The following KLHL1 variants were observed in gnomAD, a reference collection of about 807,000 sequenced individuals.
KLHL1 encodes kelch-like protein 1.
Under a neutral mutation model 77.7 loss-of-function variants are expected in KLHL1, and 47 were observed. That is an observed-to-expected ratio of 0.60 (90% CI 0.48 to 0.77). The LOEUF is 0.77. Ranked by LOEUF, KLHL1 falls within the 30% of genes least tolerant of loss-of-function variation. KLHL1 has a pLI of 0.00. For missense variants in KLHL1, 925 were observed against 910.8 expected (o/e 1.02, Z -0.20); for synonymous variants, 360 against 325.2 (o/e 1.11, Z -1.15).
At chr13:69,727,598 A>G (rs1187718775) in intron 8 of KLHL1, among the ~76,000 whole-genome samples, 1 of 152,144 alleles carries the variant, frequency 6.6e-6, no homozygotes, top group Non-Finnish European at 1.5e-5. Context: ...TAAGCTATTA[A>G]AACCACTGTA....
At chr13:69,710,694 T>G (rs1462625538) in intron 9 of KLHL1, among the ~76,000 whole-genome samples, 1 of 152,160 alleles carries the variant, frequency 6.6e-6, no homozygotes, top group Non-Finnish European at 1.5e-5. Flanking sequence ...TACAGATGTA[T>G]AAGCATTGTC....
At chr13:69,837,050 A>G (rs905392056) in intron 6 of KLHL1, among the ~76,000 whole-genome samples, 2 of 151,974 alleles carry the variant, frequency 1.3e-5, no homozygotes, top group Non-Finnish European at 2.9e-5. Context: ...TTACTCATAT[A>G]AAAAGGTTTT....
chr13:69,777,112 G>A (rs889580733), intron 7 of KLHL1, among the ~76,000 whole-genome samples: 1 of 151,972 alleles, frequency 6.6e-6, no homozygotes, highest in African/African-American at 2.4e-5. Flanking sequence ...AGATCTGACG[G>A]TATTATAAAG....
chr13:69,882,950 T>C (rs1401443712), intron 4 of KLHL1, among the ~76,000 whole-genome samples: 1 of 152,168 alleles, frequency 6.6e-6, no homozygotes, highest in Non-Finnish European at 1.5e-5. Flanking sequence ...AGAGAAAGAA[T>C]AGGACAGATA....
intron 7 of KLHL1, among the ~76,000 whole-genome samples, chr13:69,761,751 A>C (rs1410273531): frequency 6.6e-6 from 1 of 152,184 alleles, no homozygotes; most frequent in Non-Finnish European, 1.5e-5. Context: ...GTCCAATGTT[A>C]AGTGTTGACT....
intron 1 of KLHL1, among the ~76,000 whole-genome samples, chr13:70,015,228 A>G (rs561913054): frequency 6.6e-6 from 1 of 152,322 alleles, no homozygotes; most frequent in South Asian, 2.1e-4. Flanking sequence ...TATTGTGTAT[A>G]GCCTACTGCA....
At chr13:69,819,807 C>T (rs149546540) in intron 6 of KLHL1, among the ~76,000 whole-genome samples, 5 of 152,134 alleles carry the variant, frequency 3.3e-5, no homozygotes, top group Middle Eastern at 3.4e-3. Flanking sequence ...AACAGAGCAA[C>T]GTGATAATAA....
chr13:69,935,185 G>A (rs1883140028), intron 4 of KLHL1, among the ~76,000 whole-genome samples: 1 of 78,296 alleles, frequency 1.3e-5, no homozygotes, highest in African/African-American at 4.6e-5. Flanking sequence ...GCCACCTACT[G>A]GTGAACGTGG....
intron 1 of KLHL1, among the ~76,000 whole-genome samples, chr13:69,976,772 G>T (rs1034986314): frequency 2.0e-5 from 3 of 152,148 alleles, no homozygotes; most frequent in Admixed American, 1.3e-4. Flanking sequence ...CCACAAAAAA[G>T]TTACATACAA....
chr13:69,805,965 C>T (rs1877599859), intron 6 of KLHL1, among the ~76,000 whole-genome samples: 1 of 151,872 alleles, frequency 6.6e-6, no homozygotes, highest in African/African-American at 2.4e-5. Context: ...AAAACCCTAT[C>T]AGATATTAAA....
intron 1 of KLHL1, among the ~76,000 whole-genome samples, chr13:70,070,958 T>C (rs1887124267): frequency 6.6e-6 from 1 of 151,718 alleles, no homozygotes; most frequent in African/African-American, 2.4e-5. Context: ...TATATAAAAA[T>C]ATCAGTTAAA....
chr13:70,008,467 G>T (rs1885456396), intron 1 of KLHL1, among the ~76,000 whole-genome samples: 1 of 151,972 alleles, frequency 6.6e-6, no homozygotes, highest in African/African-American at 2.4e-5. Flanking sequence ...GCCCCCATAT[G>T]TGGTACACTC....
chr13:69,779,198 G>T (rs1252170446), intron 7 of KLHL1, among the ~76,000 whole-genome samples: 1 of 152,072 alleles, frequency 6.6e-6, no homozygotes, highest in Non-Finnish European at 1.5e-5. Context: ...ATAATGCATT[G>T]AAAAGACACC....
chr13:69,795,098 C>A (rs1877044828), intron 7 of KLHL1, among the ~76,000 whole-genome samples: 1 of 152,152 alleles, frequency 6.6e-6, no homozygotes, highest in South Asian at 2.1e-4. Context: ...ATAAAGGAAG[C>A]ACTCTGCCTC....
At chr13:69,785,287 G>A (rs1181086281) in intron 7 of KLHL1, among the ~76,000 whole-genome samples, 1 of 152,112 alleles carries the variant, frequency 6.6e-6, no homozygotes, top group Non-Finnish European at 1.5e-5. Flanking sequence ...TAAAAGAATA[G>A]AAATTATAAC....
intron 7 of KLHL1, among the ~76,000 whole-genome samples, chr13:69,793,858 A>G (rs1593838142): frequency 6.6e-6 from 1 of 152,134 alleles, no homozygotes; most frequent in East Asian, 1.9e-4. Flanking sequence ...AATTTAGAGC[A>G]CTGCCTTGAG....
At chr13:69,868,322 CTG>C (rs539668459) in intron 5 of KLHL1, among the ~76,000 whole-genome samples, 239 of 151,884 alleles carry the variant, frequency 1.6e-3, no homozygotes, top group African/African-American at 5.5e-3. Flanking sequence ...AAGGTATAAT[CTG>C]TAGTTTAAAA....
chr13:69,736,901 C>T (rs1476428647), intron 8 of KLHL1, among the ~76,000 whole-genome samples: 1 of 151,876 alleles, frequency 6.6e-6, no homozygotes, highest in Non-Finnish European at 1.5e-5. Flanking sequence ...AGGGAGTAGC[C>T]AATATGGGAA....
chr13:70,077,429 A>T (rs1316975733), intron 1 of KLHL1, among the ~76,000 whole-genome samples: 1 of 151,996 alleles, frequency 6.6e-6, no homozygotes, highest in Non-Finnish European at 1.5e-5. Context: ...AGATTAAAAA[A>T]AAATTAGTCG....
Sources: gnomAD v4.1 joint callset for allele counts (sites outside exome capture counted in the v4.1 genomes callset) on GRCh38, gnomAD v4.1.1 for gene constraint, MANE v1.5 for transcripts, NCBI Gene and HGNC (gene_info 2026-07-23, HGNC 2026-07-21) for gene names.